Variants in ANGPT1 observed in about 807,000 individuals in gnomAD.
The protein encoded by ANGPT1 is angiopoietin 1.
Under a neutral mutation model 62.2 loss-of-function variants are expected in ANGPT1, and 17 were observed. The observed-to-expected ratio is 0.27, with a 90% confidence interval of 0.19 to 0.41. The LOEUF (loss-of-function observed/expected upper bound fraction) is 0.41. Ranked by LOEUF, ANGPT1 falls within the 10% of genes least tolerant of loss-of-function variation. The probability of loss-of-function intolerance (pLI) is 1.00; values close to 1 mark genes in which losing one functional copy is unlikely to be tolerated. For missense variants in ANGPT1, 478 were observed against 594.9 expected (o/e 0.80, Z 2.04); for synonymous variants, 199 against 198.9 (o/e 1.00, Z 0.00).
chr8:107,360,386 A>T (rs1816137318), intron 1 of ANGPT1, among the ~76,000 whole-genome samples: 1 of 152,140 alleles, frequency 6.6e-6, no homozygotes, highest in Admixed American at 6.5e-5. Flanking sequence ...CAGTAACATG[A>T]TCAGGACTAC....
chr8:107,425,247 A>G (rs1563616848), intron 1 of ANGPT1, among the ~76,000 whole-genome samples: 1 of 152,154 alleles, frequency 6.6e-6, no homozygotes, highest in Non-Finnish European at 1.5e-5. Flanking sequence ...TTGGTATCTG[A>G]TTTCTAGTAT....
chr8:107,489,937 T>TAAA (rs201079189), intron 1 of ANGPT1, among the ~76,000 whole-genome samples: 1 of 138,970 alleles, frequency 7.2e-6, no homozygotes, highest in East Asian at 2.1e-4. Flanking sequence ...CTTGCGGTAT[T>TAAA]AAAAAAAAAA....
At chr8:107,402,284 G>A (rs948705076) in intron 1 of ANGPT1, among the ~76,000 whole-genome samples, 1 of 152,140 alleles carries the variant, frequency 6.6e-6, no homozygotes, top group African/African-American at 2.4e-5. Context: ...ACTCATCACT[G>A]TAATATTATA....
At chr8:107,313,438 T>TTG (rs1814928584) in intron 4 of ANGPT1, among the ~76,000 whole-genome samples, 1 of 123,524 alleles carries the variant, frequency 8.1e-6, no homozygotes, top group African/African-American at 3.1e-5. Context: ...TGTTTTTTTT[T>TTG]TTTTTTTTTT....
chr8:107,336,673 A>T (rs1815575596), intron 2 of ANGPT1, among the ~76,000 whole-genome samples: 1 of 151,404 alleles, frequency 6.6e-6, no homozygotes, highest in African/African-American at 2.4e-5. Context: ...TCAAAAAAAA[A>T]AAAAAAAAAA....
At chr8:107,297,723 A>G (rs567385481) in intron 5 of ANGPT1, among the ~76,000 whole-genome samples, 2 of 150,580 alleles carry the variant, frequency 1.3e-5, no homozygotes, top group South Asian at 4.2e-4. Context: ...ATCTTTGAGC[A>G]TGCCACCTTT....
chr8:107,305,593 T>A (rs1290531520), intron 4 of ANGPT1, among the ~76,000 whole-genome samples: 2 of 152,038 alleles, frequency 1.3e-5, no homozygotes, highest in African/African-American at 4.8e-5. Flanking sequence ...GTCAAAACCA[T>A]GAATACAAAT....
chr8:107,264,147 C>T, intron 8 of ANGPT1, 74 bp downstream of exon 8: 1 of 1,511,660 alleles, frequency 6.6e-7, no homozygotes, highest in Non-Finnish European at 8.9e-7. Flanking sequence ...GATCATACTC[C>T]TTTCTCATAG....
chr8:107,315,154 G>A (rs4463391), intron 4 of ANGPT1, among the ~76,000 whole-genome samples: 90,346 of 151,906 alleles, frequency 0.59, 27,601 homozygotes, highest in African/African-American at 0.75. Context: ...TCTGGGAAAG[G>A]CACTTTAGCT....
chr8:107,447,324 G>C (rs150519455), intron 1 of ANGPT1, among the ~76,000 whole-genome samples: 1 of 152,314 alleles, frequency 6.6e-6, no homozygotes, highest in African/African-American at 2.4e-5. Context: ...GGGCAGATTA[G>C]ATTCTTTCCA....
intron 5 of ANGPT1, among the ~76,000 whole-genome samples, chr8:107,297,952 G>C (rs1270668398): frequency 1.3e-5 from 2 of 151,840 alleles, no homozygotes; most frequent in East Asian, 3.9e-4. Flanking sequence ...GACTTGAAAA[G>C]TTCATTTGCC....
chr8:107,296,697 TA>T (rs954128702), intron 5 of ANGPT1, among the ~76,000 whole-genome samples: 1 of 152,084 alleles, frequency 6.6e-6, no homozygotes, highest in Admixed American at 6.6e-5. Context: ...CTAATATCAC[TA>T]GTTTCTCAAT....
intron 1 of ANGPT1, among the ~76,000 whole-genome samples, chr8:107,435,210 G>C (rs1332076146): frequency 6.6e-6 from 1 of 152,152 alleles, no homozygotes; most frequent in Non-Finnish European, 1.5e-5. Flanking sequence ...TTAACTAAAA[G>C]TCATCGGACT....
At chr8:107,453,873 A>G (rs1300937969) in intron 1 of ANGPT1, among the ~76,000 whole-genome samples, 1 of 149,262 alleles carries the variant, frequency 6.7e-6, no homozygotes, top group Non-Finnish European at 1.5e-5. Flanking sequence ...AAAAAAAAAG[A>G]TCTTGAAACG....
chr8:107,299,428 CATATATATACTAAGCATAT>C (rs975540538), intron 5 of ANGPT1, among the ~76,000 whole-genome samples: 17 of 118,746 alleles, frequency 1.4e-4, no homozygotes, highest in African/African-American at 4.6e-4. Context: ...TATAAACATA[CATATATATACTAAGCATAT>C]ATATATACAC....
chr8:107,374,923 A>G (rs968713175), intron 1 of ANGPT1, among the ~76,000 whole-genome samples: 5 of 152,184 alleles, frequency 3.3e-5, no homozygotes, highest in Non-Finnish European at 5.9e-5. Context: ...GCACTTTGGG[A>G]GGCCGAGGAG....
At chr8:107,474,795 C>G (rs920549860) in intron 1 of ANGPT1, among the ~76,000 whole-genome samples, 3 of 152,104 alleles carry the variant, frequency 2.0e-5, no homozygotes, top group African/African-American at 7.2e-5. Flanking sequence ...CAATGGTAGA[C>G]AAACAGAGAG....
chr8:107,371,510 A>G (rs1373361276), intron 1 of ANGPT1, among the ~76,000 whole-genome samples: 1 of 151,392 alleles, frequency 6.6e-6, no homozygotes, highest in Non-Finnish European at 1.5e-5. Context: ...ACTAAATTTG[A>G]AAGTTGGCAA....
chr8:107,467,200 C>A (rs1268601298), intron 1 of ANGPT1, among the ~76,000 whole-genome samples: 3 of 151,946 alleles, frequency 2.0e-5, no homozygotes, highest in Non-Finnish European at 1.5e-5. Flanking sequence ...ACCCCAATTA[C>A]CTTTATCGAT....
Sources: allele counts gnomAD v4.1 joint callset (sites outside exome capture counted in the v4.1 genomes callset), GRCh38; gene constraint gnomAD v4.1.1; transcripts MANE v1.5; gene names NCBI Gene and HGNC (gene_info 2026-07-23, HGNC 2026-07-21).